The following IL1RAPL1 variants were observed in gnomAD, a reference collection of about 807,000 sequenced individuals.
IL1RAPL1 encodes the protein interleukin-1 receptor accessory protein-like 1.
Under a neutral mutation model 48.4 loss-of-function variants are expected in IL1RAPL1, and 3 were observed. The observed-to-expected ratio is 0.06, with a 90% confidence interval of 0.03 to 0.16. The LOEUF is 0.16. IL1RAPL1 is among the 10% of genes least tolerant of loss of function. The pLI, the probability that IL1RAPL1 is intolerant of heterozygous loss-of-function variation, is 1.00. For synonymous variants in IL1RAPL1, 185 were observed against 187.7 expected (o/e 0.99, Z 0.12); for missense variants, 349 against 530.6 (o/e 0.66, Z 3.36).
chrX:29,512,232 T>A (rs973869207), intron 5 of IL1RAPL1, among the ~76,000 whole-genome samples: 4 of 111,036 alleles, frequency 3.6e-5, no homozygotes, highest in African/African-American at 1.3e-4. Context: ...TGTGGTTTAA[T>A]GTGAAAGGAC....
intron 6 of IL1RAPL1, among the ~76,000 whole-genome samples, chrX:29,837,222 C>T (rs1486989113): frequency 1.1e-5 from 1 of 94,301 alleles, no homozygotes; most frequent in Non-Finnish European, 2.1e-5. Context: ...GAGTTCGCGC[C>T]ACTGCACTCC....
At chrX:28,935,868 G>T (rs1924003705) in intron 2 of IL1RAPL1, among the ~76,000 whole-genome samples, 1 of 111,897 alleles carries the variant, frequency 8.9e-6, no homozygotes, top group Non-Finnish European at 1.9e-5. Flanking sequence ...TAGTGATCTT[G>T]TGAGTCTCAG....
intron 2 of IL1RAPL1, among the ~76,000 whole-genome samples, chrX:29,102,178 A>G: frequency 9.0e-6 from 1 of 111,383 alleles, no homozygotes; most frequent in Non-Finnish European, 1.9e-5. Context: ...ACGTACTTCA[A>G]CACAATGAAA....
intron 6 of IL1RAPL1, among the ~76,000 whole-genome samples, chrX:29,909,698 T>C (rs1569200619): frequency 8.9e-6 from 1 of 111,921 alleles, no homozygotes; most frequent in Admixed American, 9.5e-5. Context: ...ATCAATATTG[T>C]TAAAATGGCC....
At chrX:29,418,927 C>T (rs1042464734) in intron 5 of IL1RAPL1, among the ~76,000 whole-genome samples, 2 of 111,792 alleles carry the variant, frequency 1.8e-5, no homozygotes, top group African/African-American at 6.5e-5. Context: ...TCAACATTGT[C>T]GTTTGATAAA....
chrX:29,692,905 G>A (rs764974665), intron 6 of IL1RAPL1, among the ~76,000 whole-genome samples: 14 of 111,840 alleles, frequency 1.3e-4, no homozygotes, highest in Non-Finnish European at 2.1e-4. Flanking sequence ...TCTGCTGTTG[G>A]TATCTTTAGG....
intron 2 of IL1RAPL1, among the ~76,000 whole-genome samples, chrX:28,847,996 G>A (rs1268932809): frequency 9.0e-6 from 1 of 111,689 alleles, no homozygotes; most frequent in Admixed American, 9.6e-5. Flanking sequence ...TAAAAAGAAC[G>A]AGTTCACGTC....
chrX:29,221,976 C>T (rs1301863193), intron 2 of IL1RAPL1, among the ~76,000 whole-genome samples: 1 of 100,382 alleles, frequency 1.0e-5, no homozygotes, highest in Non-Finnish European at 2.0e-5. Context: ...TGCCATTGCA[C>T]TCCAACCTGG....
intron 2 of IL1RAPL1, among the ~76,000 whole-genome samples, chrX:29,128,088 C>T (rs960268619): frequency 5.4e-5 from 6 of 110,956 alleles, no homozygotes; most frequent in Non-Finnish European, 3.8e-5. Context: ...TAAAGGATCC[C>T]CCCACAAATT....
At chrX:29,120,031 C>A (rs1175427944) in intron 2 of IL1RAPL1, among the ~76,000 whole-genome samples, 1 of 111,413 alleles carries the variant, frequency 9.0e-6, no homozygotes, top group African/African-American at 3.3e-5. Flanking sequence ...GGCCATCCTG[C>A]CCACCCAAAG....
At chrX:29,550,936 A>G (rs928719665) in intron 5 of IL1RAPL1, among the ~76,000 whole-genome samples, 5 of 112,016 alleles carry the variant, frequency 4.5e-5, no homozygotes, top group African/African-American at 6.5e-5. Flanking sequence ...TATCTTCAAA[A>G]CTGAAACTCT....
chrX:29,021,806 T>G (rs755584897), intron 2 of IL1RAPL1, among the ~76,000 whole-genome samples: 2 of 112,045 alleles, frequency 1.8e-5, no homozygotes, highest in Admixed American at 1.9e-4. Context: ...ATGTATGTTT[T>G]CAGCTTCCCT....
intron 5 of IL1RAPL1, among the ~76,000 whole-genome samples, chrX:29,505,069 G>A (rs780696669): frequency 3.9e-4 from 43 of 111,280 alleles, no homozygotes; most frequent in Non-Finnish European, 6.6e-4. Flanking sequence ...TTGAAGAGAC[G>A]ACAACTTATC....
Position 29,272,880 on chromosome X carries a change from G to C in IL1RAPL1, c.83-10058G>C, listed in dbSNP as rs889357556. Among the ~76,000 whole-genome samples, 3 of 111,538 alleles carry C rather than the reference G, an allele frequency of 2.7e-5. No homozygotes were observed. The East Asian group carries it at 8.4e-4, about 31-fold the overall frequency. On this transcript the variant is annotated intron_variant, in intron 2 of 10. Transcript: ENST00000378993. ...ATTTTTGTCTGATTGACTTAATTCA[G>C]ATAACCAGTCTTCAAGCTCTTTGCT...
intron 1 of IL1RAPL1, among the ~76,000 whole-genome samples, chrX:28,710,287 A>G (rs978794913): frequency 5.5e-5 from 6 of 108,802 alleles, no homozygotes; most frequent in African/African-American, 1.0e-4. Flanking sequence ...AGTAAATTAT[A>G]TAACAGAAGT....
chrX:29,149,194 A>T (rs1230056638), intron 2 of IL1RAPL1, among the ~76,000 whole-genome samples: 1 of 110,886 alleles, frequency 9.0e-6, no homozygotes, highest in Non-Finnish European at 1.9e-5. Context: ...TGCTAAGCAT[A>T]TACTCTGCTT....
At chrX:29,913,533 A>G (rs1423532443) in intron 6 of IL1RAPL1, among the ~76,000 whole-genome samples, 1 of 111,060 alleles carries the variant, frequency 9.0e-6, no homozygotes, top group Non-Finnish European at 1.9e-5. Context: ...GTTCCCTATT[A>G]TCACATTGAT....
At chrX:29,009,196 G>A (rs1569218487) in intron 2 of IL1RAPL1, among the ~76,000 whole-genome samples, 1 of 111,631 alleles carries the variant, frequency 9.0e-6, no homozygotes, top group Non-Finnish European at 1.9e-5. Context: ...GCTCCTTCTT[G>A]AGGGGGTAGG....
At chrX:29,403,154 T>C (rs1934015626) in intron 5 of IL1RAPL1, among the ~76,000 whole-genome samples, 1 of 112,692 alleles carries the variant, frequency 8.9e-6, no homozygotes, top group Non-Finnish European at 1.9e-5. Context: ...ACATGAGATA[T>C]ATGTCTGTTC....
Sources: gnomAD v4.1 joint callset for allele counts (sites outside exome capture counted in the v4.1 genomes callset) on GRCh38, gnomAD v4.1.1 for gene constraint, MANE v1.5 for transcripts, NCBI Gene and HGNC (gene_info 2026-07-23, HGNC 2026-07-21) for gene names.